Variants in ANO4 observed in about 807,000 individuals in gnomAD.
The protein encoded by ANO4 is anoctamin 4.
In ANO4, 69 loss-of-function variants were observed where a neutral mutation model predicts 141.9. The observed-to-expected ratio is 0.49, with a 90% CI of 0.40 to 0.59. The LOEUF (loss-of-function observed/expected upper bound fraction) is 0.59, where lower values mean the gene tolerates loss of function less well. ANO4 is among the 20% of genes least tolerant of loss of function. The pLI is 0.00. For missense variants in ANO4, 894 were observed against 1,162.2 expected (o/e 0.77, Z 3.36); for synonymous variants, 350 against 394.3 (o/e 0.89, Z 1.33).
In ANO4 at chr12:100,739,948, CTT is replaced by C. The variant is rs550360200; in HGVS notation, c.202_203del (p.Phe68ArgfsTer19). On this transcript the variant is annotated frameshift_variant, in exon 3 of 30. Transcript: ENST00000644049. LOFTEE classifies it high-confidence loss of function. The stretch of plus-strand genomic sequence containing the variant: ...CAACCCTCCCATCAGATCTGCCTCT[CTT>C]CGTCTCCAAAGATGCAGGCATCCCT... The C allele has an allele frequency of 4.0e-5, 28 of 702,620 alleles. No homozygotes were observed. Among genetic ancestry groups the C allele is most frequent in the Non-Finnish European group, 6.2e-5 (24 of 384,752 alleles). The allele number at this position is 702,620 out of a possible 1,614,324, so 43.5% of individuals were successfully genotyped here. A position where few individuals can be genotyped will look rare whatever the true frequency, so the allele number is the denominator to read the frequency against.
At chr12:100,990,773 T>C (rs1449937735) in intron 8 of ANO4, among the ~76,000 whole-genome samples, 1 of 152,156 alleles carries the variant, frequency 6.6e-6, no homozygotes, top group Non-Finnish European at 1.5e-5. Flanking sequence ...CACAAGAGAA[T>C]GCTTGATATG....
intron 10 of ANO4, 139 bp from the exon 11 acceptor site, chr12:101,039,816 G>T (rs2047345798): frequency 6.8e-6 from 6 of 887,438 alleles, no homozygotes; most frequent in Non-Finnish European, 1.0e-5. Flanking sequence ...CAAACTGCCT[G>T]CCCTTTAATA....
intron 1 of ANO4, among the ~76,000 whole-genome samples, chr12:100,726,436 T>C (rs975176238): frequency 6.6e-6 from 1 of 152,226 alleles, no homozygotes; most frequent in African/African-American, 2.4e-5. Context: ...GCAGGGCAGA[T>C]CATACAGGTC....
intron 8 of ANO4, among the ~76,000 whole-genome samples, chr12:100,989,856 A>G (rs2136345379): frequency 6.8e-6 from 1 of 147,968 alleles, no homozygotes; most frequent in Admixed American, 6.7e-5. Flanking sequence ...GGGTATACAC[A>G]TGGATAGGTC....
intron 8 of ANO4, among the ~76,000 whole-genome samples, chr12:100,996,023 T>C (rs1226515016): frequency 6.6e-6 from 1 of 152,232 alleles, no homozygotes; most frequent in Admixed American, 6.5e-5. Context: ...GTGGTTTCCA[T>C]GTCCAACTTG....
chr12:101,041,961 A>G (rs1205186973), intron 11 of ANO4, among the ~76,000 whole-genome samples: 2 of 152,134 alleles, frequency 1.3e-5, no homozygotes, highest in African/African-American at 4.8e-5. Flanking sequence ...TACTTCCACC[A>G]TATCTCTCGA....
chr12:101,075,030 C>T (rs1450232791), intron 14 of ANO4, among the ~76,000 whole-genome samples: 1 of 151,980 alleles, frequency 6.6e-6, no homozygotes, highest in Non-Finnish European at 1.5e-5. Context: ...TTTTACAGTG[C>T]TGAATGGTGT....
intron 3 of ANO4, among the ~76,000 whole-genome samples, chr12:100,758,086 G>A (rs1209725281): frequency 8.5e-5 from 13 of 152,168 alleles, no homozygotes; most frequent in Non-Finnish European, 1.0e-4. Flanking sequence ...TCAGAGACTG[G>A]CAATTGAGGG....
At chr12:101,086,036 G>A (rs907694779) in intron 16 of ANO4, among the ~76,000 whole-genome samples, 2 of 151,564 alleles carry the variant, frequency 1.3e-5, no homozygotes, top group Non-Finnish European at 2.9e-5. Context: ...ATGAAGTGGT[G>A]TTTGAGCTGA....
chr12:101,070,697 G>A (rs2048775096), intron 14 of ANO4, among the ~76,000 whole-genome samples: 1 of 152,068 alleles, frequency 6.6e-6, no homozygotes, highest in African/African-American at 2.4e-5. Flanking sequence ...CTTCTACACA[G>A]CAAAGGAAAC....
At chr12:100,747,993 A>G (rs546318068) in intron 3 of ANO4, among the ~76,000 whole-genome samples, 1 of 152,298 alleles carries the variant, frequency 6.6e-6, no homozygotes, top group African/African-American at 2.4e-5. Flanking sequence ...ATCACTTCCC[A>G]GGAGTCTAGC....
At chr12:100,943,607 G>T (rs1353869551) in intron 5 of ANO4, among the ~76,000 whole-genome samples, 16 of 152,140 alleles carry the variant, frequency 1.1e-4, no homozygotes, top group Admixed American at 1.0e-3. Flanking sequence ...TTGGAAAAAT[G>T]GTGAGATGAA....
At chr12:100,724,567 A>G (rs1279167008) in intron 1 of ANO4, among the ~76,000 whole-genome samples, 1 of 152,376 alleles carries the variant, frequency 6.6e-6, no homozygotes, top group Middle Eastern at 3.4e-3. Context: ...TTGTTTTATG[A>G]TAGTAACAAA....
intron 1 of ANO4, among the ~76,000 whole-genome samples, chr12:100,830,621 A>G (rs1368149377): frequency 3.9e-5 from 6 of 152,030 alleles, no homozygotes; most frequent in Non-Finnish European, 7.4e-5. Flanking sequence ...TTCTTGGGTA[A>G]TAATGGACAT....
At chr12:101,097,291 AT>A (rs1029293919) in intron 19 of ANO4, among the ~76,000 whole-genome samples, 41 of 152,098 alleles carry the variant, frequency 2.7e-4, no homozygotes, top group African/African-American at 9.9e-4. Context: ...TAGTTCAATA[AT>A]TTTTTTAACA....
intron 2 of ANO4, chr12:100,734,005 ACTTTTCT>A (rs2031504105): frequency 1.8e-6 from 1 of 570,792 alleles, no homozygotes; most frequent in East Asian, 2.9e-5. Context: ...TTGTGGACTC[ACTTTTCT>A]GGATCGCCCT....
chr12:101,089,549 C>G (rs1237241930), intron 17 of ANO4, among the ~76,000 whole-genome samples: 6 of 152,132 alleles, frequency 3.9e-5, no homozygotes, highest in Non-Finnish European at 7.4e-5. Context: ...ATTAACCAAA[C>G]AGCCATAGGT....
intron 14 of ANO4, among the ~76,000 whole-genome samples, chr12:101,064,700 G>T (rs1441942766): frequency 7.2e-6 from 1 of 137,952 alleles, no homozygotes; most frequent in Non-Finnish European, 1.6e-5. Flanking sequence ...AATAATAAAA[G>T]ATTAGTAGTT....
At chr12:101,082,428 C>T (rs918549376) in intron 15 of ANO4, among the ~76,000 whole-genome samples, 2 of 152,174 alleles carry the variant, frequency 1.3e-5, no homozygotes, top group South Asian at 2.1e-4. Flanking sequence ...GGAACACAGA[C>T]CTGTCTCCAT....
Sources: allele counts gnomAD v4.1 joint callset (sites outside exome capture counted in the v4.1 genomes callset), GRCh38; gene constraint gnomAD v4.1.1; transcripts MANE v1.5; gene names NCBI Gene and HGNC (gene_info 2026-07-23, HGNC 2026-07-21).